The following WNT3 variants were observed in gnomAD, a reference collection of about 807,000 sequenced individuals.
WNT3 encodes the protein proto-oncogene Wnt-3.
A neutral mutation model predicts 34.2 loss-of-function variants in WNT3; 7 were observed. The ratio of observed to expected loss-of-function variants is 0.20; its 90% CI spans 0.12 to 0.38. The LOEUF is 0.38. Ranked by LOEUF, WNT3 falls within the 10% of genes least tolerant of loss-of-function variation. The pLI, the probability that WNT3 is intolerant of heterozygous loss-of-function variation, is 1.00. For missense variants in WNT3, 267 were observed against 499.8 expected, an observed-to-expected ratio of 0.53 and a Z score of 4.44; for synonymous variants, 212 against 211.5, an observed-to-expected ratio of 1.00 and a Z score of -0.02.
In WNT3 at chr17:46,790,475, G is replaced by A. The variant is rs576888994; in HGVS notation, c.81-16566C>T. On this transcript the variant is annotated intron_variant, in intron 1 of 4. Transcript: ENST00000225512. The stretch of plus-strand genomic sequence containing the variant: ...TCCCTCCCTCCCTCAAGGTTGAGAA[G>A]CACTGCCCTAGGTCACAGACAGGGC... Among the ~76,000 whole-genome samples the A allele has an allele frequency of 2.6e-5, 4 of 152,160 alleles. No individual in the cohort carries two copies. The South Asian group carries it at 8.3e-4, about 32-fold the overall frequency.
rs760094608 is a variant in WNT3, at chr17:46,769,970, C to T, written c.401G>A (p.Gly134Asp). Reference protein sequence around the residue: ...AFAVTRSCAEGTSTICGCDSH... With the variant: ...AFAVTRSCAEDTSTICGCDSH... ...GTCACAGCCGCAAATGGTGGAGGTG[C>T]CCTCGGCGCAGGAGCGGGTGACGGC... The change falls in exon 3 of 5, where the codon GGC (glycine) becomes GAC (aspartate). Residue 134 changes from glycine to aspartate, a missense_variant. Transcript: ENST00000225512. 6.2e-7 allele frequency: 1 copy of T among 1,611,916 alleles called. No homozygotes were observed. The highest frequency in any genetic ancestry group is 8.5e-7 in the Non-Finnish European group (1 of 1,179,370).
rs749719578 is a variant in WNT3 at position 46,779,103 on chromosome 17, A to ACACACACACACACACACCCC, written c.81-5195_81-5194insGGGGTGTGTGTGTGTGTGTG. ...CACACACACACACACACACACACAC[A>ACACACACACACACACACCCC]CCCCAGCCCACTCGGCCTTCCAAAG... On this transcript the variant is annotated intron_variant, in intron 1 of 4. Coordinates refer to ENST00000225512, the MANE Select transcript of WNT3 (RefSeq NM_030753.5). Among the ~76,000 whole-genome samples, 30 of 133,652 alleles carry ACACACACACACACACACCCC rather than the reference A, an allele frequency of 2.2e-4. No homozygotes were observed. In the East Asian group the frequency reaches 2.3e-3, roughly 10 times the overall value. 87.7% of individuals were successfully genotyped at this position (133,652 alleles called of 152,430 possible).
intron 1 of WNT3, among the ~76,000 whole-genome samples, chr17:46,797,849 C>G (rs532083980): frequency 6.6e-6 from 1 of 152,320 alleles, no homozygotes; most frequent in Admixed American, 6.5e-5. Context: ...GGGCCACATG[C>G]AGTATAACAC....
chr17:46,770,082 A>G, intron 2 of WNT3, 34 bp from the exon 3 acceptor site: 1 of 1,514,240 alleles, frequency 6.6e-7, no homozygotes, highest in Non-Finnish European at 8.8e-7. Flanking sequence ...AGCACTCAGG[A>G]CCCGGCCTGG....
chr17:46,779,055 A>ACACACACACGCGCGCG (rs1568079749), intron 1 of WNT3, among the ~76,000 whole-genome samples: 9 of 76,720 alleles, frequency 1.2e-4, no homozygotes, highest in Admixed American at 5.0e-4. Context: ...CTACCCCATC[A>ACACACACACGCGCGCG]CACACACACA....
chr17:46,783,242 C>T (rs533293396), intron 1 of WNT3, among the ~76,000 whole-genome samples: 43 of 152,178 alleles, frequency 2.8e-4, no homozygotes, highest in Admixed American at 8.5e-4. Context: ...AGCAGCTGCC[C>T]GGGCTCTAAG....
chr17:46,784,625 C>T (rs1168155568), intron 1 of WNT3, among the ~76,000 whole-genome samples: 1 of 152,096 alleles, frequency 6.6e-6, no homozygotes, highest in Non-Finnish European at 1.5e-5. Flanking sequence ...AAACCTCAGC[C>T]CCTGCCCAGC....
At position 46,768,273 on chromosome 17, in the gene WNT3, C is replaced by A. The variant is rs1029647640; in HGVS notation, c.*8+39G>T. 18 of 1,611,544 alleles carry A rather than the reference C, an allele frequency of 1.1e-5. No individual in the cohort carries two copies. Among genetic ancestry groups the A allele is most frequent in the Non-Finnish European group, 1.5e-5 (18 of 1,179,974 alleles). On this transcript the variant is annotated intron_variant, in intron 4 of 4. Coordinates refer to ENST00000225512, the MANE Select transcript of WNT3 (RefSeq NM_030753.5). The surrounding 1 kb of genome is among the most constrained non-coding windows in gnomAD (Gnocchi z 5.0). ...GGGCAAACAACCCCATTCCCTGCGC[C>A]CAGGCTCCCAGCCTCCCCCCTGCTT...
In WNT3 at chr17:46,768,040, G is replaced by A. The variant is rs574033174; in HGVS notation, c.*8+272C>T. 2.0e-5 allele frequency among the ~76,000 whole-genome samples: 3 copies of A among 152,166 alleles called. No homozygotes were observed. Among genetic ancestry groups the A allele is most frequent in the South Asian group, 4.2e-4 (2 of 4,814 alleles). On this transcript the variant is annotated intron_variant, in intron 4 of 4. Transcript: ENST00000225512. The surrounding 1 kb of genome is among the most constrained non-coding windows in gnomAD (Gnocchi z 5.0). ...TGACCTCAGGTGATCCGTCCACCTC[G>A]GCCTCCCAAAGTGCTGGGATTACAG...
intron 1 of WNT3, among the ~76,000 whole-genome samples, chr17:46,789,717 A>T (rs1172819991): frequency 6.6e-6 from 1 of 152,192 alleles, no homozygotes; most frequent in Non-Finnish European, 1.5e-5. Context: ...ATGGCTGGGC[A>T]CTTTGAGGCC....
intron 1 of WNT3, among the ~76,000 whole-genome samples, chr17:46,816,434 G>T (rs954143450): frequency 6.9e-6 from 1 of 144,064 alleles, no homozygotes. Flanking sequence ...ACACACTGGT[G>T]TATAGAAAAC....
chr17:46,818,550 G>T lies in WNT3; in HGVS notation c.48C>A (p.Gly16=). 6.2e-7 allele frequency: 1 copy of T among 1,609,016 alleles called. No individual in the cohort carries two copies. The highest frequency in any genetic ancestry group is 8.5e-7 in the Non-Finnish European group (1 of 1,178,486). Residue 16 remains glycine (G), a synonymous_variant, in exon 1 of 5, where the codon GGC becomes GGA. Transcript: ENST00000225512. Reference sequence around the variant, plus strand: ...TTGGGTAGCCAGCGAGGACCCTGGTGCCACCGAGCAGGAGGCCGAGGAGCA... The same window carrying T: ...TTGGGTAGCCAGCGAGGACCCTGGTTCCACCGAGCAGGAGGCCGAGGAGCA... The part of the protein sequence containing the change: ...LGLLLGLLLG[G]TRVLAGYPIW...
intron 3 of WNT3, 117 bp downstream of exon 3, chr17:46,769,665 GA>G: frequency 2.8e-6 from 4 of 1,413,198 alleles, no homozygotes; most frequent in Non-Finnish European, 2.9e-6. Flanking sequence ...TGGCCAAGGG[GA>G]AAAGGAGCCC....
At chr17:46,807,681 G>A (rs1425081506) in intron 1 of WNT3, among the ~76,000 whole-genome samples, 1 of 152,192 alleles carries the variant, frequency 6.6e-6, no homozygotes, top group African/African-American at 2.4e-5. Flanking sequence ...TCTTTATTGA[G>A]GATCCATTAT....
chr17:46,785,095 T>TA (rs2059493029), intron 1 of WNT3, among the ~76,000 whole-genome samples: 1 of 152,144 alleles, frequency 6.6e-6, no homozygotes, highest in Non-Finnish European at 1.5e-5. Context: ...TTGCTTTTCT[T>TA]ATGATGCATC....
At chr17:46,770,342 C>T (rs1034092770) in intron 2 of WNT3, among the ~76,000 whole-genome samples, 7 of 152,356 alleles carry the variant, frequency 4.6e-5, no homozygotes, top group African/African-American at 1.7e-4. Flanking sequence ...GACACCAAAC[C>T]TCTGGCAGGT....
At chr17:46,774,431 G>A (rs1217439872) in intron 1 of WNT3, among the ~76,000 whole-genome samples, 1 of 152,214 alleles carries the variant, frequency 6.6e-6, no homozygotes, top group Non-Finnish European at 1.5e-5. Context: ...CCAGCCCAGA[G>A]CCTCCCAGTA....
intron 1 of WNT3, among the ~76,000 whole-genome samples, chr17:46,792,341 T>C (rs1179055425): frequency 1.3e-5 from 2 of 152,182 alleles, no homozygotes; most frequent in Non-Finnish European, 2.9e-5. Flanking sequence ...TTACCCATAA[T>C]GAATAAGATA....
intron 1 of WNT3, among the ~76,000 whole-genome samples, chr17:46,787,153 T>C (rs1398831663): frequency 6.6e-6 from 1 of 152,022 alleles, no homozygotes; most frequent in Non-Finnish European, 1.5e-5. Flanking sequence ...TTGCCCAGGC[T>C]GGGTTTCGAA....
Sources: allele counts gnomAD v4.1 joint callset (sites outside exome capture counted in the v4.1 genomes callset), GRCh38; gene constraint gnomAD v4.1.1; non-coding constraint Gnocchi (gnomAD v3.1); transcripts MANE v1.5; gene names NCBI Gene and HGNC (gene_info 2026-07-23, HGNC 2026-07-21).